PPM1B: variants seen among roughly 807,000 people sequenced by gnomAD.
PPM1B encodes protein phosphatase 1B.
A neutral mutation model predicts 43.0 loss-of-function variants in PPM1B; 22 were observed. The observed-to-expected ratio is 0.51, with a 90% CI of 0.37 to 0.73. The LOEUF is 0.73. PPM1B is among the 30% of genes least tolerant of loss of function. The pLI, the probability that PPM1B is intolerant of heterozygous loss-of-function variation, is 0.00. For missense variants in PPM1B, 632 were observed against 584.2 expected, an observed-to-expected ratio of 1.08 and a Z score of -0.84; for synonymous variants, 217 against 197.9, an observed-to-expected ratio of 1.10 and a Z score of -0.81.
intron 1 of PPM1B, among the ~76,000 whole-genome samples, chr2:44,187,904 C>T (rs1420536584): frequency 6.6e-6 from 1 of 152,132 alleles, no homozygotes. Flanking sequence ...GTGCCCGCCA[C>T]CATGCCCGGC....
At chr2:44,220,966 A>G (rs546543720) in intron 5 of PPM1B, among the ~76,000 whole-genome samples, 1 of 152,370 alleles carries the variant, frequency 6.6e-6, no homozygotes, top group South Asian at 2.1e-4. Context: ...TTGTGGTGAA[A>G]AATAAGAATT....
intron 5 of PPM1B, among the ~76,000 whole-genome samples, chr2:44,222,654 A>C (rs1267134568): frequency 6.6e-6 from 1 of 152,196 alleles, no homozygotes; most frequent in Non-Finnish European, 1.5e-5. Flanking sequence ...ACAGGTCACA[A>C]AGCTAAATAA....
intron 1 of PPM1B, among the ~76,000 whole-genome samples, chr2:44,190,380 A>G (rs1360481922): frequency 2.0e-5 from 3 of 152,050 alleles, no homozygotes; most frequent in Admixed American, 6.6e-5. Flanking sequence ...GCTGGTCTCA[A>G]ACTCTTGAAG....
Position 44,177,284 on chromosome 2 carries a change from A to G in PPM1B, c.-15+8010A>G, listed in dbSNP as rs1272548539. On this transcript the variant is annotated intron_variant, in intron 1 of 5. Coordinates refer to ENST00000282412, the MANE Select transcript of PPM1B (RefSeq NM_002706.6). ...TGAATTTAAAAAAATTATCTCTTGTAACTGGTTTTGTTTATATAATCTAAC... is the reference window on the plus strand; with the variant it reads ...TGAATTTAAAAAAATTATCTCTTGTGACTGGTTTTGTTTATATAATCTAAC... 3.9e-5 allele frequency among the ~76,000 whole-genome samples: 6 copies of G among 152,258 alleles called. No individual in the cohort carries two copies. In the East Asian group the frequency reaches 7.7e-4, roughly 20 times the overall value.
chr2:44,207,224 T>C (rs1669231307), intron 2 of PPM1B, among the ~76,000 whole-genome samples: 1 of 152,186 alleles, frequency 6.6e-6, no homozygotes, highest in South Asian at 2.1e-4. Flanking sequence ...CACCTGTCTT[T>C]TGGGCTGTGT....
chr2:44,191,768 T>G lies in PPM1B; in HGVS notation c.-14-9418T>G, dbSNP rs75738816. On this transcript the variant is annotated intron_variant, in intron 1 of 5. Transcript: ENST00000282412. The stretch of plus-strand genomic sequence containing the variant: ...GCATTTTTATTCTACCAAATATCAC[T>G]CTGGAGATTTCTCATGCTGTTTGGG... Among the ~76,000 whole-genome samples, 61 of 152,346 alleles carry G rather than the reference T, an allele frequency of 4.0e-4. 2 individuals are homozygous for G. In the East Asian group the frequency reaches 0.012, roughly 29 times the overall value.
chr2:44,171,404 G>A (rs1667336801), intron 1 of PPM1B, among the ~76,000 whole-genome samples: 5 of 152,180 alleles, frequency 3.3e-5, no homozygotes, highest in Admixed American at 3.3e-4. Flanking sequence ...CTTGTTGAAA[G>A]TTATCTTTTC....
chr2:44,170,483 C>T (rs978937588), intron 1 of PPM1B, among the ~76,000 whole-genome samples: 5 of 152,184 alleles, frequency 3.3e-5, no homozygotes, highest in Non-Finnish European at 5.9e-5. Context: ...ATTACTGAGG[C>T]TTACTGTGGG....
Position 44,231,006 on chromosome 2 carries a change from A to G in PPM1B, c.*288A>G, listed in dbSNP as rs575289273. The G allele has an allele frequency of 1.0e-6, 1 of 989,702 alleles. No individual in the cohort carries two copies. Among genetic ancestry groups the G allele is most frequent in the East Asian group, 7.3e-5 (1 of 13,610 alleles). 61.3% of individuals were successfully genotyped at this position (989,702 alleles called of 1,614,324 possible). A position where few individuals can be genotyped will look rare whatever the true frequency, so the allele number is the denominator to read the frequency against. ...AAGTCAGTAGTTAAATTAATACTAGATAGAATTAGAAATTTTGATTAGAGA... is the reference window on the plus strand; with the variant it reads ...AAGTCAGTAGTTAAATTAATACTAGGTAGAATTAGAAATTTTGATTAGAGA... On this transcript the variant is annotated 3_prime_UTR_variant, in exon 6 of 6. Coordinates refer to ENST00000282412, the MANE Select transcript of PPM1B (RefSeq NM_002706.6).
intron 1 of PPM1B, among the ~76,000 whole-genome samples, chr2:44,180,100 G>T (rs1197305592): frequency 6.6e-6 from 1 of 151,966 alleles, no homozygotes; most frequent in Admixed American, 6.6e-5. Flanking sequence ...ATGCTTGGAA[G>T]GACAGTACTT....
Position 44,240,807 on chromosome 2 carries a change from A to AAG in PPM1B, n.1547-3416_1547-3415dup, listed in dbSNP as rs149904743. ...AGTAAAATGGAGGGAGCGCTAAGCT[A>AAG]AGAGAGTCCCGAGCTCCAGCAGCAG... On this transcript the variant is annotated intron_variant and non_coding_transcript_variant, in intron 5 of 5. Transcript: ENST00000378540. Among the ~76,000 whole-genome samples, 2 of 145,440 alleles carry AAG rather than the reference A, an allele frequency of 1.4e-5. 1 individual carries two copies. Among genetic ancestry groups the AAG allele is most frequent in the Non-Finnish European group, 3.1e-5 (2 of 65,294 alleles).
chr2:44,170,259 A>T (rs1417486147), intron 1 of PPM1B, among the ~76,000 whole-genome samples: 2 of 152,240 alleles, frequency 1.3e-5, no homozygotes, highest in African/African-American at 4.8e-5. Context: ...AAACTTTTTT[A>T]AAAAGAGACG....
rs893312095 is a variant in PPM1B at position 44,169,154 on chromosome 2, C to A, written c.-135C>A. The A allele has an allele frequency of 1.9e-4, 12 of 63,434 alleles. No homozygotes were observed. Among genetic ancestry groups the A allele is most frequent in the South Asian group, 1.0e-3 (3 of 2,948 alleles). 3.9% of individuals were successfully genotyped at this position (63,434 alleles called of 1,614,324 possible). A position where few individuals can be genotyped will look rare whatever the true frequency, so the allele number is the denominator to read the frequency against. ...TGTAAACAGCCCCGGAGGCGGCGGT[C>A]GAGACCCCGAGGGGGAAGCGGCGGC... On this transcript the variant is annotated 5_prime_UTR_variant, in exon 1 of 6. Transcript: ENST00000282412.
intron 1 of PPM1B, among the ~76,000 whole-genome samples, chr2:44,172,865 C>G (rs900029398): frequency 3.3e-5 from 5 of 152,196 alleles, no homozygotes; most frequent in Non-Finnish European, 5.9e-5. Flanking sequence ...TGTGATTGCA[C>G]CAGTTTGCTC....
intron 1 of PPM1B, among the ~76,000 whole-genome samples, chr2:44,192,729 C>G (rs948059180): frequency 1.3e-5 from 2 of 152,132 alleles, no homozygotes; most frequent in African/African-American, 4.8e-5. Context: ...TTTGCACCAC[C>G]CTCCCAGCCT....
chr2:44,211,742 C>CTTTTTTTTT (rs55716263), intron 3 of PPM1B, among the ~76,000 whole-genome samples: 7 of 78,608 alleles, frequency 8.9e-5, no homozygotes, highest in East Asian at 4.5e-4. Context: ...CTGATTCTGT[C>CTTTTTTTTT]TTTTTTTTTT....
rs903145134 is a variant in PPM1B at position 44,239,789 on chromosome 2, A to G, written n.1547-4439A>G. On this transcript the variant is annotated intron_variant and non_coding_transcript_variant, in intron 5 of 5. Coordinates refer to the PPM1B transcript ENST00000378540. Reference sequence around the variant, plus strand: ...AGGAATCTTTATTTTCCATCCAGCTAGCTAATTGTGCCAACACCATGCCAC... The same window carrying G: ...AGGAATCTTTATTTTCCATCCAGCTGGCTAATTGTGCCAACACCATGCCAC... 4.6e-5 allele frequency among the ~76,000 whole-genome samples: 7 copies of G among 152,256 alleles called. No homozygotes were observed. The East Asian group carries it at 9.6e-4, about 21-fold the overall frequency.
intron 2 of PPM1B, among the ~76,000 whole-genome samples, chr2:44,205,110 TTGTAAA>T (rs1669115800): frequency 6.6e-6 from 1 of 152,178 alleles, no homozygotes; most frequent in South Asian, 2.1e-4. Context: ...TTTTCATAAC[TTGTAAA>T]TGATACATAC....
chr2:44,177,453 T>C (rs1258623486), intron 1 of PPM1B, among the ~76,000 whole-genome samples: 1 of 140,114 alleles, frequency 7.1e-6, no homozygotes. Flanking sequence ...AGTTTTGCTC[T>C]TGTTGCCCAG....
Sources: gnomAD v4.1 joint callset for allele counts (sites outside exome capture counted in the v4.1 genomes callset) on GRCh38, gnomAD v4.1.1 for gene constraint, MANE v1.5 for transcripts, NCBI Gene and HGNC (gene_info 2026-07-23, HGNC 2026-07-21) for gene names.